The following GALNT17 variants were observed in gnomAD, a reference collection of about 807,000 sequenced individuals.
GALNT17 encodes the protein UDP-GalNAc:polypeptide N-acetylgalactosaminyltransferase-like 3.
Under a neutral mutation model 63.7 loss-of-function variants are expected in GALNT17, and 29 were observed. That is an observed-to-expected ratio of 0.46 (90% confidence interval 0.34 to 0.62). The LOEUF is 0.62. GALNT17 is among the 20% of genes least tolerant of loss of function. The pLI is 0.01. For missense variants in GALNT17, 603 were observed against 799.6 expected (o/e 0.75, Z 2.97); for synonymous variants, 305 against 318.3 (o/e 0.96, Z 0.45).
At chr7:71,581,155 A>ATGTTT (rs1789630114) in intron 6 of GALNT17, among the ~76,000 whole-genome samples, 2 of 151,948 alleles carry the variant, frequency 1.3e-5, no homozygotes, top group Non-Finnish European at 2.9e-5. Flanking sequence ...AAACACTTTT[A>ATGTTT]TGTTTTGTTT....
At chr7:71,533,750 A>T (rs1459242446) in intron 5 of GALNT17, among the ~76,000 whole-genome samples, 1 of 152,172 alleles carries the variant, frequency 6.6e-6, no homozygotes, top group African/African-American at 2.4e-5. Context: ...TCACTGAAAC[A>T]ATAAGTATTG....
chr7:71,584,553 C>A (rs138791372), intron 6 of GALNT17, among the ~76,000 whole-genome samples: 42 of 152,168 alleles, frequency 2.8e-4, no homozygotes, highest in Non-Finnish European at 5.0e-4. Flanking sequence ...AAAACATAGT[C>A]TCGACATAAA....
At position 71,428,142 on chromosome 7, in the gene GALNT17, G is replaced by A. The variant is rs116808931; in HGVS notation, c.962+7037G>A. Among the ~76,000 whole-genome samples, 650 of 152,230 alleles carry A rather than the reference G, an allele frequency of 4.3e-3. 6 individuals are homozygous for A. Among genetic ancestry groups the A allele is most frequent in the African/African-American group, 0.015 (617 of 41,526 alleles). On this transcript the variant is annotated intron_variant, in intron 5 of 10. Transcript: ENST00000333538. The stretch of plus-strand genomic sequence containing the variant: ...TATCCATTGTAAAGTGTGAAGTTCA[G>A]TGGCAATAAGAACATTCCCAGTGTT...
intron 1 of GALNT17, among the ~76,000 whole-genome samples, chr7:71,332,198 A>T (rs531280161): frequency 6.6e-6 from 1 of 152,146 alleles, no homozygotes; most frequent in African/African-American, 2.4e-5. Context: ...AGACAAACAT[A>T]TGTGTAGTCT....
chr7:71,449,304 G>A (rs1391912085), intron 5 of GALNT17, among the ~76,000 whole-genome samples: 1 of 151,708 alleles, frequency 6.6e-6, no homozygotes, highest in East Asian at 1.9e-4. Flanking sequence ...TAGAGATGGG[G>A]TTTCACCATG....
intron 5 of GALNT17, among the ~76,000 whole-genome samples, chr7:71,556,623 G>A (rs1274292721): frequency 1.3e-5 from 2 of 152,026 alleles, no homozygotes; most frequent in African/African-American, 2.4e-5. Context: ...GTGGCGCTCT[G>A]CTCTCGGCTC....
rs183230789 is a variant in GALNT17 at position 71,325,809 on chromosome 7, G to A, written c.239-9741G>A. Among the ~76,000 whole-genome samples the A allele has an allele frequency of 6.8e-4, 103 of 152,212 alleles. 1 individual carries two copies. In the South Asian group the frequency reaches 0.014, roughly 20 times the overall value. ...TGCTCCATCATTCACACAAGATGTC[G>A]TGCAAAAATGAGTCGTTGGCTTGCC... On this transcript the variant is annotated intron_variant, in intron 1 of 10. Coordinates refer to ENST00000333538, the MANE Select transcript of GALNT17 (RefSeq NM_022479.3).
intron 2 of GALNT17, among the ~76,000 whole-genome samples, chr7:71,357,194 C>T (rs1051155501): frequency 5.3e-5 from 8 of 152,116 alleles, no homozygotes; most frequent in South Asian, 2.1e-4. Flanking sequence ...TGGACTGGTA[C>T]GAGTTTGTGG....
At chr7:71,184,936 C>T (rs1788808115) in intron 1 of GALNT17, among the ~76,000 whole-genome samples, 1 of 101,870 alleles carries the variant, frequency 9.8e-6, no homozygotes, top group South Asian at 3.8e-4. Context: ...CCCTCCCTTC[C>T]TCACTTCCTT....
At chr7:71,227,644 G>A (rs1359563781) in intron 1 of GALNT17, among the ~76,000 whole-genome samples, 1 of 152,078 alleles carries the variant, frequency 6.6e-6, no homozygotes, top group Non-Finnish European at 1.5e-5. Context: ...GATTTGATTT[G>A]ATGGCATACA....
chr7:71,705,837 C>T (rs1477715770), intron 9 of GALNT17, among the ~76,000 whole-genome samples: 2 of 152,084 alleles, frequency 1.3e-5, no homozygotes, highest in Admixed American at 6.6e-5. Flanking sequence ...AGTAGCATCT[C>T]CAGGCAGAGA....
At chr7:71,269,647 G>A (rs1333354423) in intron 1 of GALNT17, among the ~76,000 whole-genome samples, 1 of 152,222 alleles carries the variant, frequency 6.6e-6, no homozygotes, top group Non-Finnish European at 1.5e-5. Context: ...GGAGGGGCAG[G>A]AAGCCGAGAA....
rs962319194 is a variant in GALNT17 at position 71,338,326 on chromosome 7, C to CA, written c.422+2603dup. Reference sequence around the variant, plus strand: ...TGGGCGAAAGAGCGAGACTCCGTCTCAAAAAAAAAATAAATAAATAAAAAA... The same window carrying CA: ...TGGGCGAAAGAGCGAGACTCCGTCTCAAAAAAAAAAATAAATAAATAAAAAA... On this transcript the variant is annotated intron_variant, in intron 2 of 10. Transcript: ENST00000333538. Among the ~76,000 whole-genome samples the CA allele has an allele frequency of 4.8e-4, 67 of 139,770 alleles. No homozygotes were observed. The South Asian group carries it at 0.011, about 22-fold the overall frequency. The allele number at this position is 139,770 out of a possible 152,430, so 91.7% of individuals were successfully genotyped here.
At chr7:71,156,721 T>G (rs1788244129) in intron 1 of GALNT17, among the ~76,000 whole-genome samples, 1 of 148,338 alleles carries the variant, frequency 6.7e-6, no homozygotes, top group Admixed American at 6.7e-5. Context: ...TCTCTCTCTT[T>G]TCCTTCTTTT....
intron 6 of GALNT17, among the ~76,000 whole-genome samples, chr7:71,574,715 C>T (rs1449041180): frequency 2.0e-5 from 3 of 152,114 alleles, no homozygotes; most frequent in African/African-American, 7.2e-5. Context: ...TGGGCCCCAT[C>T]CCAGACCTAC....
chr7:71,230,064 G>T (rs1164029056), intron 1 of GALNT17, among the ~76,000 whole-genome samples: 4 of 152,158 alleles, frequency 2.6e-5, no homozygotes, highest in Admixed American at 1.3e-4. Context: ...GGCCCAGTGA[G>T]TATAGGGGTG....
At chr7:71,318,489 G>A (rs886691379) in intron 1 of GALNT17, among the ~76,000 whole-genome samples, 3 of 144,828 alleles carry the variant, frequency 2.1e-5, no homozygotes, top group Non-Finnish European at 3.0e-5. Context: ...GTGCAATCTC[G>A]GCTCACTGCC....
intron 5 of GALNT17, among the ~76,000 whole-genome samples, chr7:71,431,907 G>T (rs1024108129): frequency 1.4e-4 from 19 of 138,820 alleles, no homozygotes; most frequent in African/African-American, 4.6e-4. Context: ...GGGCATGGTG[G>T]CTCACACCTA....
chr7:71,606,073 G>A (rs977216474), intron 6 of GALNT17, among the ~76,000 whole-genome samples: 2 of 151,702 alleles, frequency 1.3e-5, no homozygotes, highest in African/African-American at 4.8e-5. Context: ...ACAATTAGCT[G>A]GGACTACTGG....
Sources: allele counts gnomAD v4.1 joint callset (sites outside exome capture counted in the v4.1 genomes callset), GRCh38; gene constraint gnomAD v4.1.1; transcripts MANE v1.5; gene names NCBI Gene and HGNC (gene_info 2026-07-23, HGNC 2026-07-21).